Variants in NEBL observed in about 807,000 individuals in gnomAD.
The protein encoded by NEBL is nebulette.
A neutral mutation model predicts 140.2 loss-of-function variants in NEBL; 122 were observed. The observed-to-expected ratio is 0.87, with a 90% confidence interval of 0.75 to 1.01. The LOEUF (loss-of-function observed/expected upper bound fraction) is 1.01. NEBL is among the 50% of genes least tolerant of loss of function. NEBL has a pLI of 0.00. For synonymous variants in NEBL, 436 were observed against 398.9 expected, an observed-to-expected ratio of 1.09 and a Z score of -1.11; for missense variants, 1,365 against 1,231.3, an observed-to-expected ratio of 1.11 and a Z score of -1.62.
At position 21,237,205 on chromosome 10, in the gene NEBL, G is replaced by T. The variant is rs151012028; in HGVS notation, n.348+10716C>A. On this transcript the variant is annotated intron_variant and non_coding_transcript_variant, in intron 3 of 8. Coordinates refer to the NEBL transcript ENST00000675702. ...TTTTTGTTTGTTTGCTTTTGTTTTG[G>T]TTTGTTTTGTTTTGTTTGAGATAGA... 5.5e-4 allele frequency among the ~76,000 whole-genome samples: 83 copies of T among 152,146 alleles called. No individual in the cohort carries two copies. In the East Asian group the frequency reaches 0.012, roughly 23 times the overall value.
rs1295845856 is a variant in NEBL, at chr10:20,812,778, T to C, written c.2509A>G (p.Ile837Val). 1 of 1,613,810 alleles carries C rather than the reference T, an allele frequency of 6.2e-7. No individual in the cohort carries two copies. Among genetic ancestry groups the C allele is most frequent in the Non-Finnish European group, 8.5e-7 (1 of 1,179,850 alleles). The change falls in exon 24 of 28, where the codon ATC (isoleucine) becomes GTC (valine). Residue 837 changes from isoleucine (I) to valine (V), a missense_variant. Ile to Val is a conservative substitution (Grantham distance 29). Coordinates refer to ENST00000377122, the MANE Select transcript of NEBL (RefSeq NM_006393.3). ...HIVEMDRRPG[I>V]IVDLKVWRTD... ...AACGCCGTCAGCTTACCAACAATGA[T>C]TCCAGGTCTCCTGTCCATCTCCACG...
chr10:20,832,720 T>C (rs1840531680), intron 14 of NEBL, among the ~76,000 whole-genome samples: 1 of 152,214 alleles, frequency 6.6e-6, no homozygotes, highest in Admixed American at 6.5e-5. Context: ...TAAATGTTGA[T>C]TTGCTTATTA....
At chr10:21,110,866 C>T (rs952620868) in intron 2 of NEBL, 1 of 613,642 alleles carries the variant, frequency 1.6e-6, no homozygotes, top group South Asian at 1.4e-5. Flanking sequence ...CAAATGCAGT[C>T]CAATTAAAGT....
At chr10:20,871,111 C>A (rs1037812669) in intron 5 of NEBL, among the ~76,000 whole-genome samples, 1 of 152,156 alleles carries the variant, frequency 6.6e-6, no homozygotes, top group Admixed American at 6.6e-5. Flanking sequence ...TCTTAAAACC[C>A]ATCTTCCTTT....
chr10:20,864,196 A>C (rs1458670682), intron 7 of NEBL, among the ~76,000 whole-genome samples: 1 of 152,204 alleles, frequency 6.6e-6, no homozygotes, highest in East Asian at 1.9e-4. Context: ...TGATCTATGG[A>C]TATATTAATT....
chr10:21,191,313 C>T (rs908138884), intron 3 of NEBL, among the ~76,000 whole-genome samples: 2 of 152,140 alleles, frequency 1.3e-5, no homozygotes, highest in Admixed American at 1.3e-4. Flanking sequence ...TATGATAACC[C>T]CATTTTATAG....
intron 4 of NEBL, among the ~76,000 whole-genome samples, chr10:20,924,652 C>CT (rs1396620747): frequency 6.6e-6 from 1 of 151,372 alleles, no homozygotes; most frequent in Non-Finnish European, 1.5e-5. Flanking sequence ...ATCCAAAGTT[C>CT]TTTTTTTAAA....
intron 14 of NEBL, 96 bp from the exon 15 acceptor site, chr10:20,831,679 G>C (rs1840441589): frequency 1.3e-6 from 1 of 789,086 alleles, no homozygotes; most frequent in African/African-American, 1.7e-5. Context: ...CATGTCTTTT[G>C]GAATGAAGTT....
intron 26 of NEBL, among the ~76,000 whole-genome samples, chr10:20,792,550 C>T (rs900479914): frequency 6.6e-6 from 1 of 152,076 alleles, no homozygotes; most frequent in Non-Finnish European, 1.5e-5. Context: ...GCCTGTAATC[C>T]CAGCACTTTG....
chr10:21,154,350 T>G (rs1840256121), intron 2 of NEBL, among the ~76,000 whole-genome samples: 1 of 151,070 alleles, frequency 6.6e-6, no homozygotes, highest in Non-Finnish European at 1.5e-5. Flanking sequence ...TCCCAGCTAC[T>G]CGGGAGGCTG....
chr10:20,923,832 C>A (rs919974682), intron 4 of NEBL, among the ~76,000 whole-genome samples: 2 of 152,106 alleles, frequency 1.3e-5, no homozygotes, highest in East Asian at 3.9e-4. Flanking sequence ...ACAAGGCAGA[C>A]CCTTGACTTA....
intron 4 of NEBL, among the ~76,000 whole-genome samples, chr10:20,881,220 G>A (rs1845985652): frequency 6.6e-6 from 1 of 152,152 alleles, no homozygotes; most frequent in Non-Finnish European, 1.5e-5. Flanking sequence ...GGATATAGAT[G>A]TCAGAGATTT....
At position 20,897,153 on chromosome 10, in the gene NEBL, A is replaced by G. The variant is rs761850301; in HGVS notation, c.53T>C (p.Ile18Thr). Reference sequence around the variant, plus strand: ...GTCTTCTTCATTTTCTTCTTCCCCTATCTTTTCTTCTTCAGTTTCATCTTT... The same window carrying G: ...GTCTTCTTCATTTTCTTCTTCCCCTGTCTTTTCTTCTTCAGTTTCATCTTT... ...DIKDETEEEK[I>T]GEEENEEDQV... The change falls in exon 1 of 28, where the codon ATA (isoleucine) becomes ACA (threonine). Residue 18 changes from isoleucine to threonine, a missense_variant. Ile to Thr is a moderately conservative substitution (Grantham distance 89). Around this residue, in one of 2 missense-constraint regions of NEBL, gnomAD observed 1,323 missense variants for 1,154.8 expected, o/e 1.15. Transcript: ENST00000377122. The G allele has an allele frequency of 7.5e-6, 12 of 1,605,414 alleles. No homozygotes were observed. Among genetic ancestry groups the G allele is most frequent in the South Asian group, 6.6e-5 (6 of 90,850 alleles).
intron 2 of NEBL, among the ~76,000 whole-genome samples, chr10:21,099,481 A>G (rs556622195): frequency 6.6e-6 from 1 of 152,074 alleles, no homozygotes; most frequent in South Asian, 2.1e-4. Context: ...TTAAAATATC[A>G]TCTGAAAACA....
intron 2 of NEBL, among the ~76,000 whole-genome samples, chr10:21,040,337 C>CA (rs61477654): frequency 2.0e-5 from 3 of 151,362 alleles, no homozygotes; most frequent in Admixed American, 6.6e-5. Flanking sequence ...AGACTCCATT[C>CA]AAAAAAAAAA....
intron 2 of NEBL, among the ~76,000 whole-genome samples, chr10:21,094,990 T>C (rs1837116031): frequency 1.3e-5 from 2 of 152,228 alleles, no homozygotes; most frequent in African/African-American, 4.8e-5. Context: ...TAGGTGTGCC[T>C]ATATCCATAG....
intron 4 of NEBL, among the ~76,000 whole-genome samples, chr10:20,957,300 A>G (rs1482884728): frequency 2.0e-5 from 3 of 152,202 alleles, no homozygotes; most frequent in African/African-American, 7.2e-5. Context: ...AAGTCAGTGA[A>G]AAATTATGTA....
chr10:20,812,704 C>A (rs1838280342), intron 24 of NEBL, 65 bp downstream of exon 24: 1 of 1,592,252 alleles, frequency 6.3e-7, no homozygotes, highest in African/African-American at 1.3e-5. Context: ...GAGGGTAATT[C>A]TGAAGCTAGA....
At chr10:21,146,650 T>C (rs760349264) in intron 2 of NEBL, 3 of 603,598 alleles carry the variant, frequency 5.0e-6, no homozygotes, top group Non-Finnish European at 8.6e-6. Flanking sequence ...GTTGACTGAT[T>C]ATGAGATGCT....
Sources: gnomAD v4.1 joint callset for allele counts (sites outside exome capture counted in the v4.1 genomes callset) on GRCh38, gnomAD v4.1.1 for gene constraint, gnomAD v4.1.1 regional missense constraint, MANE v1.5 for transcripts, NCBI Gene and HGNC (gene_info 2026-07-23, HGNC 2026-07-21) for gene names.